FLT3LG: variants seen among roughly 807,000 people sequenced by gnomAD.
The protein encoded by FLT3LG is fms related receptor tyrosine kinase 3 ligand.
A neutral mutation model predicts 30.9 loss-of-function variants in FLT3LG; 8 were observed. That is an observed-to-expected ratio of 0.26 (90% CI 0.15 to 0.47). The LOEUF (loss-of-function observed/expected upper bound fraction) is 0.47. FLT3LG is among the 20% of genes least tolerant of loss of function. The probability of loss-of-function intolerance (pLI) is 0.99; values close to 1 mark genes in which losing one functional copy is unlikely to be tolerated. For missense variants in FLT3LG, 278 were observed against 306.2 expected (o/e 0.91, Z 0.69); for synonymous variants, 123 against 135.9 (o/e 0.91, Z 0.66).
chr19:49,483,686 C>T (rs567578064), intron 8 of FLT3LG, among the ~76,000 whole-genome samples: 43 of 151,704 alleles, frequency 2.8e-4, no homozygotes, highest in African/African-American at 1.0e-3. Context: ...TGTGCCACTG[C>T]ACTCCAGCCT....
chr19:49,475,995 CT>C, intron 3 of FLT3LG, 149 bp from the exon 4 acceptor site: 3 of 1,063,364 alleles, frequency 2.8e-6, no homozygotes, highest in Non-Finnish European at 2.9e-6. Flanking sequence ...GGTGTCATCC[CT>C]TTTTAAGGGC....
intron 8 of FLT3LG, among the ~76,000 whole-genome samples, chr19:49,485,283 CTT>C (rs1444752564): frequency 7.8e-6 from 1 of 128,942 alleles, no homozygotes; most frequent in Non-Finnish European, 1.6e-5. Flanking sequence ...GAGTTTCGCT[CTT>C]GTCGCCCAGG....
Position 49,476,505 on chromosome 19 carries a change from T to C in FLT3LG, c.281T>C (p.Met94Thr), listed in dbSNP as rs1161198185. 6.2e-7 allele frequency: 1 copy of C among 1,614,176 alleles called. No homozygotes were observed. The highest frequency in any genetic ancestry group is 8.5e-7 in the Non-Finnish European group (1 of 1,180,034). The stretch of plus-strand genomic sequence containing the variant: ...CTCAAGACTGTCGCTGGGTCCAAGA[T>C]GCAAGGCTTGCTGGAGCGCGTGAAC... Reference protein sequence around the residue: ...ERLKTVAGSKMQGLLERVNTE... With the variant: ...ERLKTVAGSKTQGLLERVNTE... The change falls in exon 5 of 9, where the codon ATG becomes ACG. Residue 94 changes from methionine (M) to threonine (T), a missense_variant. Physicochemically the swap from Met to Thr is moderately conservative, Grantham distance 81. Transcript: ENST00000597551. This position sits in a 1 kb window ranked among gnomAD's most constrained non-coding sequence, Gnocchi z 5.3.
At chr19:49,477,814 G>A (rs1003657677) in intron 5 of FLT3LG, among the ~76,000 whole-genome samples, 3 of 152,112 alleles carry the variant, frequency 2.0e-5, no homozygotes, top group African/African-American at 4.8e-5. Flanking sequence ...TTGGGAGCCC[G>A]AGGCGGGCAG....
In FLT3LG at chr19:49,480,633, T is replaced by G; in HGVS notation, c.*21+13T>G. On this transcript the variant is annotated intron_variant, in intron 8 of 8. Coordinates refer to ENST00000597551, the MANE Select transcript of FLT3LG (RefSeq NM_001459.4). ...AGGCCTCATCCTGGTGAGTCCTTCC[T>G]GGGCTATGGGGCCTGGACTTTGTGT... The G allele has an allele frequency of 6.2e-7, 1 of 1,600,102 alleles. No individual in the cohort carries two copies. Among genetic ancestry groups the G allele is most frequent in the Admixed American group, 1.7e-5 (1 of 58,462 alleles).
intron 5 of FLT3LG, among the ~76,000 whole-genome samples, chr19:49,478,648 C>G (rs1292638952): frequency 1.3e-5 from 2 of 152,064 alleles, no homozygotes; most frequent in East Asian, 3.9e-4. Flanking sequence ...TGGTGGGCAC[C>G]TATAGTCCCA....
intron 8 of FLT3LG, among the ~76,000 whole-genome samples, chr19:49,484,127 C>G (rs766485354): frequency 4.0e-5 from 6 of 150,986 alleles, no homozygotes; most frequent in Non-Finnish European, 7.4e-5. Flanking sequence ...TCGTGATCTG[C>G]CCGCCTCAGC....
At chr19:49,477,987 A>G (rs906886864) in intron 5 of FLT3LG, among the ~76,000 whole-genome samples, 3 of 151,266 alleles carry the variant, frequency 2.0e-5, no homozygotes, top group Non-Finnish European at 4.4e-5. Context: ...AAGTTGCAGT[A>G]AGCCGAGATC....
chr19:49,474,252 C>G lies in FLT3LG; in HGVS notation c.-67C>G, dbSNP rs2079297425. ...GGTCTCTGGCTGTCACCCGGCTTGG[C>G]CCCTTCCACACCCAACTGGGGCAAG... On this transcript the variant is annotated 5_prime_UTR_variant, in exon 1 of 9. Coordinates refer to ENST00000597551, the MANE Select transcript of FLT3LG (RefSeq NM_001459.4). 3.3e-6 allele frequency: 1 copy of G among 300,172 alleles called. No homozygotes were observed. Among genetic ancestry groups the G allele is most frequent in the Non-Finnish European group, 6.3e-6 (1 of 159,504 alleles). 18.6% of individuals were successfully genotyped at this position (300,172 alleles called of 1,614,324 possible). A position where few individuals can be genotyped will look rare whatever the true frequency, so the allele number is the denominator to read the frequency against.
chr19:49,484,346 G>A (rs1353614273), intron 8 of FLT3LG, among the ~76,000 whole-genome samples: 10 of 140,492 alleles, frequency 7.1e-5, no homozygotes, highest in Non-Finnish European at 1.1e-4. Context: ...CCAGGCTGGA[G>A]TGCAGTGGTG....
At chr19:49,479,186 GT>G in intron 6 of FLT3LG, 139 bp downstream of exon 6, 1 of 703,076 alleles carries the variant, frequency 1.4e-6, no homozygotes, top group Non-Finnish European at 2.0e-6. Flanking sequence ...CTGGAGCTCA[GT>G]TTACCAATTT....
intron 8 of FLT3LG, 142 bp downstream of exon 8, chr19:49,480,762 T>G: frequency 1.2e-6 from 1 of 831,808 alleles, no homozygotes; most frequent in East Asian, 2.7e-5. Flanking sequence ...CCAGGCGCGG[T>G]GGCTCACGCC....
chr19:49,475,863 G>A, intron 3 of FLT3LG, 62 bp downstream of exon 3: 3 of 1,302,276 alleles, frequency 2.3e-6, no homozygotes, highest in Non-Finnish European at 3.2e-6. Flanking sequence ...TTTTTTTTAA[G>A]TAGAGATGGG....
At chr19:49,479,142 A>T in intron 6 of FLT3LG, 95 bp downstream of exon 6, 1 of 1,118,952 alleles carries the variant, frequency 8.9e-7, no homozygotes, top group Non-Finnish European at 1.2e-6. Context: ...TCTTTCTCAT[A>T]TTGGTTGTGA....
chr19:49,474,996 A>C (rs1465853860), intron 2 of FLT3LG, among the ~76,000 whole-genome samples: 1 of 107,400 alleles, frequency 9.3e-6, no homozygotes, highest in Non-Finnish European at 1.9e-5. Context: ...AGAGGGAGAT[A>C]AAGAGGAGGG....
intron 7 of FLT3LG, 28 bp from the exon 8 acceptor site, chr19:49,480,524 C>T (rs1041495036): frequency 1.9e-6 from 3 of 1,610,832 alleles, no homozygotes; most frequent in Admixed American, 1.7e-5. Flanking sequence ...GGGTGGCCCA[C>T]TTGTGGCTGA....
At chr19:49,474,448 C>T in intron 1 of FLT3LG, 155 bp from the exon 2 acceptor site, 4 of 629,390 alleles carry the variant, frequency 6.4e-6, no homozygotes, top group Non-Finnish European at 1.1e-5. Flanking sequence ...GAAGAGTTTT[C>T]ACCGTAACTG....
chr19:49,477,513 T>A (rs936620527), intron 5 of FLT3LG, among the ~76,000 whole-genome samples: 2 of 135,514 alleles, frequency 1.5e-5, no homozygotes, highest in Non-Finnish European at 3.2e-5. Flanking sequence ...CTGAGGCGGG[T>A]GGATTGCCTG....
chr19:49,476,108 T>C lies in FLT3LG; in HGVS notation c.145-37T>C. ...GGGTCCCCACAGTTCTGTTTCTCGC[T>C]GTTTTCAGCCAGGCCTGATCCTGTT... On this transcript the variant is annotated intron_variant, in intron 3 of 8. Transcript: ENST00000597551. The surrounding 1 kb of genome is among the most constrained non-coding windows in gnomAD (Gnocchi z 5.3). 1 of 1,613,266 alleles carries C rather than the reference T, an allele frequency of 6.2e-7. No individual in the cohort carries two copies. The highest frequency in any genetic ancestry group is 8.5e-7 in the Non-Finnish European group (1 of 1,179,436).
Sources: gnomAD v4.1 joint callset for allele counts (sites outside exome capture counted in the v4.1 genomes callset) on GRCh38, gnomAD v4.1.1 for gene constraint, Gnocchi (gnomAD v3.1) non-coding constraint, MANE v1.5 for transcripts, NCBI Gene and HGNC (gene_info 2026-07-23, HGNC 2026-07-21) for gene names.